HSF2BP: variants seen among roughly 807,000 people sequenced by gnomAD.
HSF2BP encodes the protein heat shock transcription factor 2 binding protein.
In HSF2BP, 35 loss-of-function variants were observed where a neutral mutation model predicts 35.0. The observed-to-expected ratio is 1.00, with a 90% CI of 0.76 to 1.32. The LOEUF is 1.32. Among genes scored for constraint, HSF2BP ranks in the 40% most tolerant of loss-of-function variants. HSF2BP has a pLI of 0.00. For missense variants in HSF2BP, 326 were observed against 321.7 expected (o/e 1.01, Z -0.10); for synonymous variants, 114 against 117.4 (o/e 0.97, Z 0.18).
chr21:43,646,056 C>T (rs912385923), intron 3 of HSF2BP, among the ~76,000 whole-genome samples: 2 of 151,374 alleles, frequency 1.3e-5, no homozygotes, highest in Non-Finnish European at 2.9e-5. Flanking sequence ...TGGCTTATGC[C>T]TGTGTAATTA....
At chr21:43,628,298 A>G (rs1455306034) in intron 6 of HSF2BP, among the ~76,000 whole-genome samples, 1 of 152,270 alleles carries the variant, frequency 6.6e-6, no homozygotes, top group Non-Finnish European at 1.5e-5. Context: ...CTCGATAGAA[A>G]TTAAAAGCTC....
intron 7 of HSF2BP, among the ~76,000 whole-genome samples, chr21:43,603,205 G>C (rs2082072490): frequency 6.6e-6 from 1 of 152,186 alleles, no homozygotes; most frequent in Admixed American, 6.5e-5. Context: ...CGGAGAAAGA[G>C]GAGCCGTAGA....
chr21:43,580,410 G>A (rs888063288), intron 8 of HSF2BP, among the ~76,000 whole-genome samples: 3 of 152,158 alleles, frequency 2.0e-5, no homozygotes, highest in Admixed American at 6.5e-5. Flanking sequence ...TTTGACGTAC[G>A]AAGTGGCCAT....
intron 4 of HSF2BP, among the ~76,000 whole-genome samples, chr21:43,642,506 C>G (rs1487859158): frequency 6.6e-6 from 1 of 152,014 alleles, no homozygotes; most frequent in African/African-American, 2.4e-5. Context: ...CAGGAGCTTT[C>G]CTCTGTATTC....
intron 7 of HSF2BP, among the ~76,000 whole-genome samples, chr21:43,610,756 T>C (rs1483612796): frequency 6.6e-6 from 1 of 152,228 alleles, no homozygotes; most frequent in Non-Finnish European, 1.5e-5. Context: ...GTGACCAATT[T>C]GGCAGTATCT....
intron 7 of HSF2BP, among the ~76,000 whole-genome samples, chr21:43,606,935 C>T (rs1271450424): frequency 1.3e-5 from 2 of 152,188 alleles, no homozygotes; most frequent in African/African-American, 2.4e-5. Flanking sequence ...AGAAGAAACA[C>T]TTCCCCTAAG....
chr21:43,646,849 A>G (rs1262371129), intron 3 of HSF2BP, among the ~76,000 whole-genome samples: 2 of 152,196 alleles, frequency 1.3e-5, no homozygotes, highest in South Asian at 2.1e-4. Context: ...TTGTGGCCAG[A>G]TGGGAGCATT....
intron 7 of HSF2BP, among the ~76,000 whole-genome samples, chr21:43,612,372 C>T (rs533012625): frequency 2.2e-3 from 334 of 152,292 alleles, no homozygotes; most frequent in African/African-American, 7.8e-3. Flanking sequence ...AAGTGCTAGG[C>T]CGGGCGCAGG....
intron 7 of HSF2BP, among the ~76,000 whole-genome samples, chr21:43,604,704 TCA>T (rs139438653): frequency 0.65 from 81,186 of 125,786 alleles, 24,308 homozygotes; most frequent in East Asian, 0.81. Context: ...CACACTGCAC[TCA>T]CACGCATCTC....
intron 3 of HSF2BP, among the ~76,000 whole-genome samples, chr21:43,646,290 C>T (rs1321193174): frequency 6.6e-6 from 1 of 152,072 alleles, no homozygotes; most frequent in African/African-American, 2.4e-5. Flanking sequence ...TTGATTTTAT[C>T]CTAATCCCAG....
At chr21:43,573,018 T>TG (rs910499214) in intron 8 of HSF2BP, among the ~76,000 whole-genome samples, 5 of 152,206 alleles carry the variant, frequency 3.3e-5, no homozygotes, top group Non-Finnish European at 7.4e-5. Context: ...GCGGTGCACC[T>TG]GGTCCTTACG....
chr21:43,579,399 C>A (rs1251511189), intron 8 of HSF2BP, among the ~76,000 whole-genome samples: 2 of 152,156 alleles, frequency 1.3e-5, no homozygotes, highest in African/African-American at 4.8e-5. Flanking sequence ...TTTTAGTAGC[C>A]TACTTTGATG....
chr21:43,604,495 CCACACACTA>C (rs1321358408), intron 7 of HSF2BP, among the ~76,000 whole-genome samples: 16 of 112,848 alleles, frequency 1.4e-4, no homozygotes, highest in African/African-American at 4.2e-4. Flanking sequence ...CACACACACA[CCACACACTA>C]CACACACTAT....
intron 8 of HSF2BP, among the ~76,000 whole-genome samples, chr21:43,575,628 T>C (rs1357304270): frequency 6.6e-6 from 1 of 152,206 alleles, no homozygotes; most frequent in East Asian, 1.9e-4. Flanking sequence ...AACACACTAC[T>C]GTTGAGTAAT....
chr21:43,613,147 A>G (rs2082229913), intron 7 of HSF2BP, among the ~76,000 whole-genome samples: 1 of 152,226 alleles, frequency 6.6e-6, no homozygotes, highest in Admixed American at 6.5e-5. Context: ...TCTTGCTGGT[A>G]GCAGAAGAGG....
intron 6 of HSF2BP, among the ~76,000 whole-genome samples, chr21:43,629,524 C>T (rs948270366): frequency 6.6e-6 from 1 of 152,182 alleles, no homozygotes; most frequent in South Asian, 2.1e-4. Context: ...GAGATCACGC[C>T]GTTGCACTCC....
chr21:43,633,090 C>T (rs2082503892), intron 5 of HSF2BP, among the ~76,000 whole-genome samples, 182 bp downstream of exon 5: 1 of 152,188 alleles, frequency 6.6e-6, no homozygotes, highest in South Asian at 2.1e-4. Flanking sequence ...GATCTTATTT[C>T]ATTCCCTTTG....
At chr21:43,501,038 G>A in the HSF2BP span, among the ~76,000 whole-genome samples, 1 of 119,132 alleles carries the variant, frequency 8.4e-6, no homozygotes, top group Non-Finnish European at 1.7e-5. Context: ...CACCCCAAGC[G>A]CTGCCCTCTC....
chr21:43,630,324 G>C lies in HSF2BP; in HGVS notation c.572C>G (p.Thr191Arg). 1 of 1,611,264 alleles carries C rather than the reference G, an allele frequency of 6.2e-7. No individual in the cohort carries two copies. The highest frequency in any genetic ancestry group is 8.5e-7 in the Non-Finnish European group (1 of 1,178,964). ...CTCTCAGGTGCGCCTGCACTTACTC[G>C]TGACAATTCCAGCCAGAGCGAAAAC... ...QFVFALAGIVTNVAAIACGRE... is the reference protein window; with the variant it reads ...QFVFALAGIVRNVAAIACGRE... Residue 191 changes from threonine to arginine, a missense_variant and splice_region_variant, in exon 6 of 9, where the codon ACG becomes AGG. Physicochemically the swap from Thr to Arg is moderately conservative, Grantham distance 71. Transcript: ENST00000291560.
Sources: gnomAD v4.1 joint callset for allele counts (sites outside exome capture counted in the v4.1 genomes callset) on GRCh38, gnomAD v4.1.1 for gene constraint, MANE v1.5 for transcripts, NCBI Gene and HGNC (gene_info 2026-07-23, HGNC 2026-07-21) for gene names.